The following POC1B variants were observed in gnomAD, a reference collection of about 807,000 sequenced individuals.
The protein encoded by POC1B is POC1 centriolar protein B.
In POC1B, 44 loss-of-function variants were observed where a neutral mutation model predicts 60.6. That is an observed-to-expected ratio of 0.73 (90% CI 0.57 to 0.93). The LOEUF is 0.93. Among genes scored for constraint, POC1B ranks in the 40% least tolerant of loss-of-function variants. The probability of loss-of-function intolerance (pLI) is 0.00; values close to 1 mark genes in which losing one functional copy is unlikely to be tolerated. For synonymous variants in POC1B, 180 were observed against 198.9 expected (o/e 0.90, Z 0.80); for missense variants, 555 against 572.3 (o/e 0.97, Z 0.31).
intron 11 of POC1B, among the ~76,000 whole-genome samples, chr12:89,423,181 T>C (rs1027015700): frequency 2.0e-5 from 3 of 152,166 alleles, no homozygotes; most frequent in Admixed American, 2.0e-4. Flanking sequence ...ATTAACTTGT[T>C]GTTGCTGTTG....
At chr12:89,507,481 C>T (rs1300849613) in intron 2 of POC1B, among the ~76,000 whole-genome samples, 1 of 151,910 alleles carries the variant, frequency 6.6e-6, no homozygotes, top group Non-Finnish European at 1.5e-5. Flanking sequence ...TAAACATTAC[C>T]ACATAATTTA....
chr12:89,524,150 G>A, intron 2 of POC1B: 1 of 1,614,060 alleles, frequency 6.2e-7, no homozygotes, highest in Non-Finnish European at 8.5e-7. Flanking sequence ...GTGGTAGGAA[G>A]TGTCCTATAG....
intron 10 of POC1B, among the ~76,000 whole-genome samples, chr12:89,450,143 C>A (rs183518117): frequency 2.0e-5 from 3 of 151,040 alleles, no homozygotes; most frequent in African/African-American, 7.3e-5. Context: ...AAATCAGAAA[C>A]TAAATTCAAG....
chr12:89,406,246 T>A, the POC1B span, among the ~76,000 whole-genome samples: 1 of 152,134 alleles, frequency 6.6e-6, no homozygotes, highest in Non-Finnish European at 1.5e-5. Flanking sequence ...TTAGAATCTT[T>A]AAAAATAGAG....
intron 2 of POC1B, among the ~76,000 whole-genome samples, chr12:89,498,178 G>T (rs1487260255): frequency 6.6e-6 from 1 of 152,094 alleles, no homozygotes; most frequent in Admixed American, 6.5e-5. Context: ...GATTTTATTA[G>T]TCTCTTTCTG....
At chr12:89,480,966 C>A (rs1868349232) in intron 4 of POC1B, among the ~76,000 whole-genome samples, 1 of 151,998 alleles carries the variant, frequency 6.6e-6, no homozygotes, top group African/African-American at 2.4e-5. Flanking sequence ...AAACTCCTGG[C>A]CTCAAGTGAT....
chr12:89,444,288 C>A (rs137899007), intron 10 of POC1B, among the ~76,000 whole-genome samples: 2,611 of 152,244 alleles, frequency 0.017, 85 homozygotes, highest in African/African-American at 0.06. Flanking sequence ...CAAAGCCTGG[C>A]AGAGACACAA....
At chr12:89,450,873 A>G (rs1882011419) in intron 10 of POC1B, among the ~76,000 whole-genome samples, 2 of 152,186 alleles carry the variant, frequency 1.3e-5, no homozygotes, top group Admixed American at 1.3e-4. Flanking sequence ...GGTTCAGCAG[A>G]AAAACAAAGT....
At chr12:89,501,932 C>A in intron 2 of POC1B, 1 of 1,093,850 alleles carries the variant, frequency 9.1e-7, no homozygotes, top group Non-Finnish European at 1.4e-6. Flanking sequence ...GATGAAATTT[C>A]CAGTTGTTTC....
chr12:89,524,688 C>A, intron 2 of POC1B: 5 of 912,674 alleles, frequency 5.5e-6, no homozygotes, highest in Non-Finnish European at 8.3e-6. Flanking sequence ...TTTCCAGCCA[C>A]CCAGGCTTTC....
chr12:89,425,423 C>A (rs1880722842), intron 10 of POC1B, 44 bp from the exon 11 acceptor site: 2 of 1,507,708 alleles, frequency 1.3e-6, no homozygotes, highest in Non-Finnish European at 1.8e-6. Context: ...ATTTTCCAAA[C>A]TTTAAAATGA....
At chr12:89,519,642 C>T (rs1054807) in intron 2 of POC1B, 29,476 of 152,492 alleles carry the variant, frequency 0.19, 3,269 homozygotes, top group South Asian at 0.36. Context: ...AGACCCTAAA[C>T]CAACTAAGAC....
At chr12:89,491,155 A>G (rs1198251585) in intron 4 of POC1B, among the ~76,000 whole-genome samples, 1 of 151,940 alleles carries the variant, frequency 6.6e-6, no homozygotes, top group Non-Finnish European at 1.5e-5. Context: ...TTTTCCTCAT[A>G]CAGCCACCAG....
the POC1B span, among the ~76,000 whole-genome samples, chr12:89,406,892 T>A: frequency 6.6e-6 from 1 of 151,982 alleles, no homozygotes; most frequent in Admixed American, 6.6e-5. Context: ...ACACCTGTAA[T>A]CCCAGCACTT....
At chr12:89,475,817 A>G (rs958280174) in intron 4 of POC1B, among the ~76,000 whole-genome samples, 9 of 151,750 alleles carry the variant, frequency 5.9e-5, no homozygotes, top group Admixed American at 5.2e-4. Context: ...AAACATGGAC[A>G]TTCGAGAGTT....
At chr12:89,486,888 C>T (rs1313594393) in intron 4 of POC1B, among the ~76,000 whole-genome samples, 1 of 148,486 alleles carries the variant, frequency 6.7e-6, no homozygotes, top group Non-Finnish European at 1.5e-5. Context: ...CTCTCTCTTT[C>T]TCTCTCTCTC....
At chr12:89,523,661 G>A (rs1871132023) in intron 2 of POC1B, 12 of 1,537,614 alleles carry the variant, frequency 7.8e-6, no homozygotes, top group Middle Eastern at 3.5e-4. Context: ...CTTGATATCC[G>A]CCTGTCCCTT....
intron 10 of POC1B, among the ~76,000 whole-genome samples, chr12:89,433,580 G>A (rs1460557853): frequency 1.3e-5 from 2 of 152,154 alleles, no homozygotes; most frequent in South Asian, 2.1e-4. Context: ...AATGTAAGTT[G>A]GGTAAAGGAG....
chr12:89,431,296 T>C (rs867669857), intron 10 of POC1B, among the ~76,000 whole-genome samples: 6 of 152,210 alleles, frequency 3.9e-5, no homozygotes, highest in Non-Finnish European at 8.8e-5. Flanking sequence ...TTTCCCATTA[T>C]TGAAGGTTCT....
Sources: allele counts gnomAD v4.1 joint callset (sites outside exome capture counted in the v4.1 genomes callset), GRCh38; gene constraint gnomAD v4.1.1; transcripts MANE v1.5; gene names NCBI Gene and HGNC (gene_info 2026-07-23, HGNC 2026-07-21).